MTUS2: variants seen among roughly 807,000 people sequenced by gnomAD.
MTUS2 encodes the protein microtubule-associated tumor suppressor candidate 2.
MTUS2 carries 40 observed loss-of-function variants against 114.1 expected under a neutral mutation model. That is an observed-to-expected ratio of 0.35 (90% CI 0.27 to 0.46). MTUS2 has a LOEUF of 0.46. MTUS2 is among the 20% of genes least tolerant of loss of function. The probability of loss-of-function intolerance (pLI) is 1.00; values close to 1 mark genes in which losing one functional copy is unlikely to be tolerated. For missense variants in MTUS2, 1,679 were observed against 1,705.4 expected (o/e 0.98, Z 0.27); for synonymous variants, 688 against 672.0 (o/e 1.02, Z -0.37).
chr13:29,492,854 A>C, intron 12 of MTUS2, 135 bp downstream of exon 12: 1 of 690,270 alleles, frequency 1.4e-6, no homozygotes, highest in Non-Finnish European at 2.4e-6. Context: ...TAAATAAGTC[A>C]TACTCGCTAC....
intron 5 of MTUS2, among the ~76,000 whole-genome samples, chr13:29,213,370 A>G (rs1196246102): frequency 2.0e-5 from 3 of 152,150 alleles, no homozygotes; most frequent in South Asian, 2.1e-4. Flanking sequence ...GTTTGATAGC[A>G]TTGTCAAGTA....
chr13:29,047,189 C>A (rs184749057), intron 4 of MTUS2, among the ~76,000 whole-genome samples: 8 of 152,294 alleles, frequency 5.3e-5, no homozygotes, highest in Non-Finnish European at 1.2e-4. Context: ...TGTTGTGTAA[C>A]CTTGCAGAAA....
At chr13:29,051,937 A>G (rs565225790) in intron 4 of MTUS2, among the ~76,000 whole-genome samples, 1 of 152,288 alleles carries the variant, frequency 6.6e-6, no homozygotes, top group East Asian at 1.9e-4. Context: ...TGATTCTGTT[A>G]TGGTCAGGGT....
At chr13:28,995,838 G>A in intron 2 of MTUS2, among the ~76,000 whole-genome samples, 1 of 152,148 alleles carries the variant, frequency 6.6e-6, no homozygotes, top group Non-Finnish European at 1.5e-5. Context: ...CATGTCATCT[G>A]CAAACTGGGA....
At chr13:29,428,923 C>T (rs1047638410) in intron 8 of MTUS2, 7 of 1,608,644 alleles carry the variant, frequency 4.4e-6, no homozygotes, top group Non-Finnish European at 6.0e-6. Flanking sequence ...CTCTCTTCTT[C>T]CCCCTCCTCC....
chr13:29,483,311 G>A (rs951302253), intron 10 of MTUS2, among the ~76,000 whole-genome samples: 4 of 152,198 alleles, frequency 2.6e-5, no homozygotes, highest in Non-Finnish European at 2.9e-5. Context: ...CTCGCCGGCC[G>A]AGGCAGGCTG....
intron 7 of MTUS2, among the ~76,000 whole-genome samples, chr13:29,346,996 C>T (rs1466292002): frequency 6.6e-6 from 1 of 151,662 alleles, no homozygotes; most frequent in Admixed American, 6.6e-5. Flanking sequence ...ACTTTAGACA[C>T]TCATAGTTTG....
chr13:29,345,719 T>A (rs753606600), intron 7 of MTUS2, among the ~76,000 whole-genome samples: 6 of 152,112 alleles, frequency 3.9e-5, no homozygotes, highest in Admixed American at 6.5e-5. Flanking sequence ...TTGGGGATGT[T>A]AAAGAATCTT....
At chr13:28,975,606 C>T (rs1416377678) in intron 2 of MTUS2, among the ~76,000 whole-genome samples, 2 of 152,234 alleles carry the variant, frequency 1.3e-5, no homozygotes, top group African/African-American at 4.8e-5. Flanking sequence ...CCTTCCTCTC[C>T]TTCTGGACAT....
chr13:29,432,745 C>T (rs1305020406), intron 8 of MTUS2, among the ~76,000 whole-genome samples: 1 of 152,162 alleles, frequency 6.6e-6, no homozygotes, highest in Non-Finnish European at 1.5e-5. Flanking sequence ...AGATTCAGTC[C>T]AACAGCAACA....
intron 5 of MTUS2, among the ~76,000 whole-genome samples, chr13:29,199,785 G>A (rs1481863481): frequency 5.9e-5 from 9 of 151,748 alleles, no homozygotes; most frequent in African/African-American, 2.2e-4. Flanking sequence ...TCCTCTTTGT[G>A]CCTCTGTTAG....
At chr13:28,953,178 T>G (rs1030108662) in intron 2 of MTUS2, among the ~76,000 whole-genome samples, 6 of 152,116 alleles carry the variant, frequency 3.9e-5, no homozygotes, top group Non-Finnish European at 8.8e-5. Flanking sequence ...TTTTTTTTTT[T>G]TTTGCACATT....
chr13:29,321,898 C>T (rs1192835815), intron 6 of MTUS2, among the ~76,000 whole-genome samples: 1 of 152,154 alleles, frequency 6.6e-6, no homozygotes, highest in Non-Finnish European at 1.5e-5. Context: ...TGCTGTTCAA[C>T]TAGCTTTTTA....
chr13:29,006,491 T>G (rs1243005189), intron 2 of MTUS2, among the ~76,000 whole-genome samples: 2 of 152,154 alleles, frequency 1.3e-5, no homozygotes, highest in Non-Finnish European at 2.9e-5. Context: ...TATTTTTAGG[T>G]CCATTCGAAT....
intron 4 of MTUS2, among the ~76,000 whole-genome samples, chr13:29,050,922 T>C (rs1329330116): frequency 6.6e-6 from 1 of 151,884 alleles, no homozygotes; most frequent in Non-Finnish European, 1.5e-5. Context: ...GTGGAGTAAG[T>C]GAGAGGAGGA....
Position 29,371,455 on chromosome 13 carries a change from C to T in MTUS2, c.3117+11982C>T, listed in dbSNP as rs924235765. On this transcript the variant is annotated intron_variant, in intron 8 of 15. Transcript: ENST00000612955. ...CTGGTCTCAAACTCCTGACCTCAGG[C>T]GATCTGCTTGCCTCGGCCTTCCAAA... is the stretch of plus-strand genomic sequence containing the variant. Among the ~76,000 whole-genome samples, 11 of 152,188 alleles carry T rather than the reference C, an allele frequency of 7.2e-5. No individual in the cohort carries two copies. The East Asian group carries it at 1.4e-3, about 19-fold the overall frequency.
intron 9 of MTUS2, among the ~76,000 whole-genome samples, chr13:29,452,602 G>GTA (rs1459826052): frequency 1.5e-4 from 19 of 124,302 alleles, no homozygotes; most frequent in Non-Finnish European, 3.1e-4. Flanking sequence ...GTGTGTGTGT[G>GTA]TGTGTATATA....
rs1202543500 is a variant in MTUS2 at position 29,060,844 on chromosome 13, A to C, written c.2446+26719A>C. Among the ~76,000 whole-genome samples, 65 of 128,080 alleles carry C rather than the reference A, an allele frequency of 5.1e-4. 1 individual carries two copies. The highest frequency in any genetic ancestry group is 1.7e-3 in the African/African-American group (57 of 33,670). The allele number at this position is 128,080 out of a possible 152,430, so 84.0% of individuals were successfully genotyped here. Reference sequence around the variant, plus strand: ...GAGCCAAAGTCTTGCTGTGTTGCCCAGACTGGAGTGCAGTGATGTGATCTC... The same window carrying C: ...GAGCCAAAGTCTTGCTGTGTTGCCCCGACTGGAGTGCAGTGATGTGATCTC... On this transcript the variant is annotated intron_variant, in intron 4 of 15. Coordinates refer to ENST00000612955, the MANE Select transcript of MTUS2 (RefSeq NM_001033602.4).
At chr13:29,160,302 T>G (rs1212336789) in intron 5 of MTUS2, among the ~76,000 whole-genome samples, 1 of 152,250 alleles carries the variant, frequency 6.6e-6, no homozygotes, top group Non-Finnish European at 1.5e-5. Flanking sequence ...AGTAAATCTC[T>G]TTTTTCTTCT....
Sources: allele counts gnomAD v4.1 joint callset (sites outside exome capture counted in the v4.1 genomes callset), GRCh38; gene constraint gnomAD v4.1.1; transcripts MANE v1.5; gene names NCBI Gene and HGNC (gene_info 2026-07-23, HGNC 2026-07-21).